Variants in PTPRT observed in about 807,000 individuals in gnomAD.
The protein encoded by PTPRT is receptor-type tyrosine-protein phosphatase T.
PTPRT carries 56 observed loss-of-function variants against 176.8 expected under a neutral mutation model. The ratio of observed to expected loss-of-function variants is 0.32; its 90% confidence interval spans 0.26 to 0.40. The LOEUF is 0.40. Ranked by LOEUF, PTPRT falls within the 10% of genes least tolerant of loss-of-function variation. PTPRT has a pLI of 1.00. For missense variants in PTPRT, 1,540 were observed against 1,908.2 expected, an observed-to-expected ratio of 0.81 and a Z score of 3.60; for synonymous variants, 783 against 739.0, an observed-to-expected ratio of 1.06 and a Z score of -0.96.
rs549463834 is a variant in PTPRT, at chr20:42,571,788, C to T, written c.1154-99226G>A. Among the ~76,000 whole-genome samples, 5 of 152,274 alleles carry T rather than the reference C, an allele frequency of 3.3e-5. No homozygotes were observed. In the South Asian group the frequency reaches 1.0e-3, roughly 32 times the overall value. ...CCCCGGGGCAGTCATTCACTTCTTT[C>T]CATCTTAGTTTCCCACACCCTTGTC... is the stretch of plus-strand genomic sequence containing the variant. On this transcript the variant is annotated intron_variant, in intron 7 of 30. Transcript: ENST00000373187.
intron 7 of PTPRT, among the ~76,000 whole-genome samples, chr20:42,515,575 G>A (rs2072047211): frequency 6.6e-6 from 1 of 152,136 alleles, no homozygotes. Context: ...TACTTTTTCT[G>A]TTTGCAGCTG....
intron 1 of PTPRT, among the ~76,000 whole-genome samples, chr20:43,128,809 G>A (rs1305584786): frequency 6.6e-6 from 1 of 152,214 alleles, no homozygotes; most frequent in Non-Finnish European, 1.5e-5. Context: ...GGGTTTCAAA[G>A]TTAGGAGGTC....
chr20:42,624,169 A>G (rs2074251330), intron 7 of PTPRT, among the ~76,000 whole-genome samples: 1 of 152,144 alleles, frequency 6.6e-6, no homozygotes, highest in Non-Finnish European at 1.5e-5. Flanking sequence ...TGCTCTGTGA[A>G]ATTTGCACAG....
In PTPRT at chr20:42,126,361, C is replaced by T. The variant is rs73114432; in HGVS notation, c.2847+2393G>A. On this transcript the variant is annotated intron_variant, in intron 19 of 30. Coordinates refer to ENST00000373187, the MANE Select transcript of PTPRT (RefSeq NM_007050.6). Reference sequence around the variant, plus strand: ...TTGACTCAAATTTCTGCTCCCTCCTCCCCTACCTCCTAGCAGTATAATCCT... The same window carrying T: ...TTGACTCAAATTTCTGCTCCCTCCTTCCCTACCTCCTAGCAGTATAATCCT... Among the ~76,000 whole-genome samples the T allele has an allele frequency of 5.7e-3, 872 of 152,238 alleles. 8 individuals are homozygous for T. Among genetic ancestry groups the T allele is most frequent in the Non-Finnish European group, 8.6e-3 (587 of 68,014 alleles).
chr20:42,513,951 C>T (rs1420226877), intron 7 of PTPRT, among the ~76,000 whole-genome samples: 1 of 152,176 alleles, frequency 6.6e-6, no homozygotes, highest in Non-Finnish European at 1.5e-5. Context: ...CATTTTGATA[C>T]TGGTGGCTAT....
At chr20:42,149,090 A>G (rs1362537745) in intron 17 of PTPRT, among the ~76,000 whole-genome samples, 1 of 152,172 alleles carries the variant, frequency 6.6e-6, no homozygotes, top group African/African-American at 2.4e-5. Context: ...TGATAAACCC[A>G]ACTTGTTCAC....
At chr20:42,979,163 T>A (rs1043601109) in intron 1 of PTPRT, among the ~76,000 whole-genome samples, 1 of 152,144 alleles carries the variant, frequency 6.6e-6, no homozygotes, top group African/African-American at 2.4e-5. Flanking sequence ...GAAAGCTAAT[T>A]TTTTTTCAGA....
In PTPRT at chr20:42,617,334, G is replaced by A. The variant is rs1236302138; in HGVS notation, c.1153+60532C>T. On this transcript the variant is annotated intron_variant, in intron 7 of 30. Transcript: ENST00000373187. ...AGCTTTTTGATGTGCTGCTGGATTC[G>A]GTTTGCCAGTATTTTATTGAGGATT... 6.6e-5 allele frequency among the ~76,000 whole-genome samples: 9 copies of A among 136,394 alleles called. 1 individual carries two copies. Among genetic ancestry groups the A allele is most frequent in the Non-Finnish European group, 9.2e-5 (6 of 65,260 alleles). 89.5% of individuals were successfully genotyped at this position (136,394 alleles called of 152,430 possible). A position where few individuals can be genotyped will look rare whatever the true frequency, so the allele number is the denominator to read the frequency against.
chr20:42,069,923 G>A (rs937723314), downstream of PTPRT, among the ~76,000 whole-genome samples: 8 of 152,098 alleles, frequency 5.3e-5, no homozygotes, highest in African/African-American at 1.9e-4. Flanking sequence ...ATCTCCCTGT[G>A]GGTGCCATGT....
At chr20:43,028,961 C>T (rs186105536) in intron 1 of PTPRT, among the ~76,000 whole-genome samples, 246 of 152,250 alleles carry the variant, frequency 1.6e-3, no homozygotes, top group Middle Eastern at 6.8e-3. Flanking sequence ...TTATGCATCA[C>T]CCCTTGGAGT....
intron 2 of PTPRT, among the ~76,000 whole-genome samples, chr20:42,812,268 A>C (rs190536360): frequency 3.9e-5 from 6 of 152,252 alleles, no homozygotes; most frequent in East Asian, 3.9e-4. Flanking sequence ...TAATTATTTT[A>C]AGTGTACAAT....
chr20:43,080,733 T>A (rs1242406751), intron 1 of PTPRT, among the ~76,000 whole-genome samples: 1 of 152,242 alleles, frequency 6.6e-6, no homozygotes. Flanking sequence ...AAGTGACATG[T>A]CACATGCAGG....
intron 1 of PTPRT, among the ~76,000 whole-genome samples, chr20:43,115,210 T>C (rs2013012758): frequency 6.6e-6 from 1 of 152,116 alleles, no homozygotes; most frequent in Non-Finnish European, 1.5e-5. Flanking sequence ...CCAATTCCAA[T>C]ATTCCTGCCC....
intron 6 of PTPRT, among the ~76,000 whole-genome samples, chr20:42,708,245 G>A (rs1447344281): frequency 6.6e-6 from 1 of 152,070 alleles, no homozygotes; most frequent in Non-Finnish European, 1.5e-5. Context: ...GTTGTCATTA[G>A]TCTTCTTTTA....
intron 17 of PTPRT, among the ~76,000 whole-genome samples, chr20:42,161,016 G>T (rs1408673936): frequency 6.6e-6 from 1 of 152,152 alleles, no homozygotes; most frequent in African/African-American, 2.4e-5. Context: ...CATAGTGAAT[G>T]GAGGTGAGAC....
At chr20:43,045,810 G>A (rs1109550) in intron 1 of PTPRT, among the ~76,000 whole-genome samples, 12,448 of 151,932 alleles carry the variant, frequency 0.082, 578 homozygotes, top group Middle Eastern at 0.14. Context: ...AGAAGGACAC[G>A]CATAAGAATA....
chr20:42,080,818 C>T lies in PTPRT; in HGVS notation c.*61G>A, dbSNP rs1035274174. On this transcript the variant is annotated 3_prime_UTR_variant, in exon 31 of 31. Transcript: ENST00000373187. The stretch of plus-strand genomic sequence containing the variant: ...TCCTGAGCCCAGTTACTGCCATTCA[C>T]ACAAAAGGGGGCTTGGTCACAGCAG... 2 of 1,525,826 alleles carry T rather than the reference C, an allele frequency of 1.3e-6. No homozygotes were observed. The highest frequency in any genetic ancestry group is 1.8e-6 in the Non-Finnish European group (2 of 1,103,024). The allele number at this position is 1,525,826 out of a possible 1,614,324, so 94.5% of individuals were successfully genotyped here.
chr20:43,161,320 C>A (rs1269903436), intron 1 of PTPRT, among the ~76,000 whole-genome samples: 1 of 152,000 alleles, frequency 6.6e-6, no homozygotes, highest in Non-Finnish European at 1.5e-5. Context: ...AATGAGTTTG[C>A]AGACTTGAAG....
chr20:42,532,837 C>T (rs1007182505), intron 7 of PTPRT, among the ~76,000 whole-genome samples: 2 of 152,052 alleles, frequency 1.3e-5, no homozygotes, highest in South Asian at 2.1e-4. Flanking sequence ...TCAATACAGA[C>T]ATTTTCTTCC....
Sources: allele counts gnomAD v4.1 joint callset (sites outside exome capture counted in the v4.1 genomes callset), GRCh38; gene constraint gnomAD v4.1.1; transcripts MANE v1.5; gene names NCBI Gene and HGNC (gene_info 2026-07-23, HGNC 2026-07-21).